ADAMTS2: variants seen among roughly 807,000 people sequenced by gnomAD.
ADAMTS2 encodes the protein ADAM metallopeptidase with thrombospondin type 1 motif 2.
Under a neutral mutation model 123.0 loss-of-function variants are expected in ADAMTS2, and 50 were observed. The ratio of observed to expected loss-of-function variants is 0.41; its 90% confidence interval spans 0.32 to 0.51. ADAMTS2 has a LOEUF of 0.51. ADAMTS2 is among the 20% of genes least tolerant of loss of function. ADAMTS2 has a pLI of 0.35. For synonymous variants in ADAMTS2, 678 were observed against 695.4 expected (o/e 0.98, Z 0.39); for missense variants, 1,494 against 1,705.2 (o/e 0.88, Z 2.18).
chr5:179,322,393 A>G lies in ADAMTS2; in HGVS notation c.534+21374T>C, dbSNP rs193018151. ...TGCAGAGAAGTGAAATAACCCGCCC[A>G]TGGTCACACAGGAGGGAGTGCAGGG... On this transcript the variant is annotated intron_variant, in intron 2 of 21. Transcript: ENST00000251582. Among the ~76,000 whole-genome samples the G allele has an allele frequency of 5.9e-5, 9 of 152,254 alleles. No individual in the cohort carries two copies. The East Asian group carries it at 1.5e-3, about 26-fold the overall frequency.
intron 3 of ADAMTS2, 145 bp from the exon 4 acceptor site, chr5:179,207,860 G>T (rs1764742844): frequency 3.9e-6 from 3 of 772,154 alleles, no homozygotes; most frequent in South Asian, 3.1e-5. Flanking sequence ...GGAAAGCGAG[G>T]TGCAGAGGAA....
Position 179,180,201 on chromosome 5 carries a change from T to TC in ADAMTS2, c.975+870dup, listed in dbSNP as rs1387512853. Among the ~76,000 whole-genome samples the TC allele has an allele frequency of 1.3e-5, 2 of 152,162 alleles. No homozygotes were observed. Among genetic ancestry groups the TC allele is most frequent in the Admixed American group, 1.3e-4 (2 of 15,292 alleles). ...GTCTACACGGGCCGTACCGTGGGGC[T>TC]CCTCTCTTCCTCTGTCTGCACAGCA... On this transcript the variant is annotated intron_variant, in intron 5 of 21. Coordinates refer to ENST00000251582, the MANE Select transcript of ADAMTS2 (RefSeq NM_014244.5). This position sits in a 1 kb window ranked among gnomAD's most constrained non-coding sequence, Gnocchi z 4.6.
At chr5:179,291,384 G>A (rs1485976404) in intron 2 of ADAMTS2, among the ~76,000 whole-genome samples, 3 of 152,214 alleles carry the variant, frequency 2.0e-5, no homozygotes, top group African/African-American at 7.2e-5. Flanking sequence ...TCATTTCCGG[G>A]CAGTCTTCCA....
chr5:179,163,908 G>T (rs1010923038), intron 5 of ADAMTS2, among the ~76,000 whole-genome samples: 1 of 152,168 alleles, frequency 6.6e-6, no homozygotes, highest in Non-Finnish European at 1.5e-5. Context: ...ACTCCCTGAG[G>T]AGGGGGCAGA....
intron 5 of ADAMTS2, among the ~76,000 whole-genome samples, chr5:179,163,745 T>C (rs1057196272): frequency 6.6e-6 from 1 of 152,120 alleles, no homozygotes; most frequent in Non-Finnish European, 1.5e-5. Context: ...ATTGAAATAT[T>C]GATTTGTGTT....
In ADAMTS2 at chr5:179,117,315, TG is replaced by T. The variant is rs1762673584; in HGVS notation, c.3179-2992del. 6.6e-6 allele frequency among the ~76,000 whole-genome samples: 1 copy of T among 152,188 alleles called. No individual in the cohort carries two copies. Among genetic ancestry groups the T allele is most frequent in the Non-Finnish European group, 1.5e-5 (1 of 68,032 alleles). The stretch of plus-strand genomic sequence containing the variant: ...ATGGTGCTGGGAGGGACACCCTGGC[TG>T]CACACTGCCCCCTCTCCTGTTGCCC... On this transcript the variant is annotated intron_variant, in intron 21 of 21. Coordinates refer to ENST00000251582, the MANE Select transcript of ADAMTS2 (RefSeq NM_014244.5). The surrounding 1 kb of genome is among the most constrained non-coding windows in gnomAD (Gnocchi z 4.2).
rs138564815 is a variant in ADAMTS2, at chr5:179,129,938, G to T, written c.2451C>A (p.Thr817=). 6.2e-7 allele frequency: 1 copy of T among 1,613,876 alleles called. No individual in the cohort carries two copies. The highest frequency in any genetic ancestry group is 8.5e-7 in the Non-Finnish European group (1 of 1,180,012). ...QTMGPLHGTI[T]VLVIPVGDTR... ...CAGCCCTGCTTGGACTCACCAGAAC[G>T]GTGATGGTGCCGTGGAGGGGGCCCA... Residue 817 remains threonine (T), a synonymous_variant, in exon 16 of 22, where the codon ACC becomes ACA. Transcript: ENST00000251582. The surrounding 1 kb of genome is among the most constrained non-coding windows in gnomAD (Gnocchi z 4.1).
At chr5:179,139,385 G>A (rs1763121845) in intron 11 of ADAMTS2, among the ~76,000 whole-genome samples, 1 of 152,146 alleles carries the variant, frequency 6.6e-6, no homozygotes, top group African/African-American at 2.4e-5. Flanking sequence ...AGGGCATGGG[G>A]CCTGCGTGGC....
At chr5:179,251,915 G>A (rs1765934903) in intron 3 of ADAMTS2, among the ~76,000 whole-genome samples, 1 of 151,946 alleles carries the variant, frequency 6.6e-6, no homozygotes, top group Admixed American at 6.6e-5. Flanking sequence ...AAAAACTGAG[G>A]ATCTGGCAAC....
At chr5:179,163,852 G>A (rs997812042) in intron 5 of ADAMTS2, among the ~76,000 whole-genome samples, 1 of 152,196 alleles carries the variant, frequency 6.6e-6, no homozygotes, top group African/African-American at 2.4e-5. Context: ...AGGGTCCAGA[G>A]CTAAAGGGGT....
intron 3 of ADAMTS2, among the ~76,000 whole-genome samples, chr5:179,217,835 C>A (rs55638589): frequency 0.032 from 1,787 of 56,212 alleles, 61 homozygotes; most frequent in African/African-American, 0.12. Flanking sequence ...GGCCTGAGGG[C>A]AGACAGGCAC....
chr5:179,299,952 G>A lies in ADAMTS2; in HGVS notation c.535-26888C>T, dbSNP rs183271131. 2.9e-3 allele frequency among the ~76,000 whole-genome samples: 446 copies of A among 152,166 alleles called. 2 individuals are homozygous for A. The highest frequency in any genetic ancestry group is 4.9e-3 in the Non-Finnish European group (332 of 68,008). ...TACTAAAAATACAAAAAATTAGCCA[G>A]GCGTGGTGGCAGGCGCCTGTAGTCC... On this transcript the variant is annotated intron_variant, in intron 2 of 21. Coordinates refer to ENST00000251582, the MANE Select transcript of ADAMTS2 (RefSeq NM_014244.5).
In ADAMTS2 at chr5:179,158,878, G is replaced by T; in HGVS notation, c.977C>A (p.Ser326Tyr). 6.2e-7 allele frequency: 1 copy of T among 1,614,030 alleles called. No individual in the cohort carries two copies. The highest frequency in any genetic ancestry group is 8.5e-7 in the Non-Finnish European group (1 of 1,180,024). The change falls in exon 6 of 22, where the codon TCC becomes TAC. Residue 326 changes from serine to tyrosine, a missense_variant and splice_region_variant. By Grantham distance (144) the Ser-to-Tyr change is moderately radical. This residue lies in a region of ADAMTS2 where 70 missense variants were observed against 85.3 expected (regional missense o/e 0.82). Coordinates refer to ENST00000251582, the MANE Select transcript of ADAMTS2 (RefSeq NM_014244.5). The surrounding 1 kb of genome is among the most constrained non-coding windows in gnomAD (Gnocchi z 5.0). ...GTTCCCGATCTCGATGAGGCTCATG[G>T]ACTGCAGGGGGATGGAGAGAAATGG... ...VRIILLSYGKSMSLIEIGNPS... is the reference protein window; with the variant it reads ...VRIILLSYGKYMSLIEIGNPS...
At chr5:179,199,629 G>A (rs1317043783) in intron 4 of ADAMTS2, among the ~76,000 whole-genome samples, 2 of 152,150 alleles carry the variant, frequency 1.3e-5, no homozygotes, top group Non-Finnish European at 2.9e-5. Context: ...CTTCCTGCTG[G>A]GGGTGCACTC....
At chr5:179,286,276 GC>G (rs1756017683) in intron 2 of ADAMTS2, among the ~76,000 whole-genome samples, 2 of 146,620 alleles carry the variant, frequency 1.4e-5, no homozygotes, top group African/African-American at 5.0e-5. Flanking sequence ...GCTGGCACCT[GC>G]CCACACCAGC....
intron 3 of ADAMTS2, among the ~76,000 whole-genome samples, chr5:179,245,019 T>G (rs1201930488): frequency 6.6e-6 from 1 of 152,160 alleles, no homozygotes; most frequent in Non-Finnish European, 1.5e-5. Flanking sequence ...TATCTATCTG[T>G]AAGGTTATAT....
Position 179,207,495 on chromosome 5 carries a change from C to G in ADAMTS2, c.891+18G>C. On this transcript the variant is annotated intron_variant, in intron 4 of 21. Coordinates refer to ENST00000251582, the MANE Select transcript of ADAMTS2 (RefSeq NM_014244.5). ...GACCCTCCCCGCCCCACCCTGCCCC[C>G]TCAGCCACCCCACTCACAATGTTCA... The G allele has an allele frequency of 6.4e-7, 1 of 1,558,892 alleles. No individual in the cohort carries two copies. Among genetic ancestry groups the G allele is most frequent in the Non-Finnish European group, 8.8e-7 (1 of 1,135,404 alleles).
intron 2 of ADAMTS2, among the ~76,000 whole-genome samples, chr5:179,276,227 A>AC (rs1766691873): frequency 6.6e-6 from 1 of 152,170 alleles, no homozygotes; most frequent in East Asian, 1.9e-4. Context: ...CGGGAAGAAC[A>AC]CAGCCAGGCC....
chr5:179,264,160 C>T (rs374531456), intron 3 of ADAMTS2, among the ~76,000 whole-genome samples: 11 of 152,272 alleles, frequency 7.2e-5, no homozygotes, highest in East Asian at 5.8e-4. Flanking sequence ...TGGTACCCAA[C>T]GCCTCTCACC....
Sources: gnomAD v4.1 joint callset for allele counts (sites outside exome capture counted in the v4.1 genomes callset) on GRCh38, gnomAD v4.1.1 for gene constraint, gnomAD v4.1.1 regional missense constraint, Gnocchi (gnomAD v3.1) non-coding constraint, MANE v1.5 for transcripts, NCBI Gene and HGNC (gene_info 2026-07-23, HGNC 2026-07-21) for gene names.